The following DNAH17 variants were observed in gnomAD, a reference collection of about 807,000 sequenced individuals.
DNAH17 encodes dynein axonemal heavy chain 17, also known as axonemal beta dynein heavy chain 17.
DNAH17 carries 376 observed loss-of-function variants against 485.6 expected under a neutral mutation model. That is an observed-to-expected ratio of 0.77 (90% CI 0.71 to 0.84). DNAH17 has a LOEUF of 0.84. Ranked by LOEUF, DNAH17 falls within the 40% of genes least tolerant of loss-of-function variation. The pLI is 0.00. For synonymous variants in DNAH17, 3,031 were observed against 2,405.9 expected (o/e 1.26, Z -7.60); for missense variants, 6,370 against 5,839.3 (o/e 1.09, Z -2.96).
At chr17:78,437,127 C>T (rs2086874769) in intron 74 of DNAH17, among the ~76,000 whole-genome samples, 6 of 152,154 alleles carry the variant, frequency 3.9e-5, no homozygotes, top group Admixed American at 3.9e-4. Context: ...GCTGTTCCTG[C>T]TGATGGTGGG....
chr17:78,536,970 T>C (rs1261594485), intron 19 of DNAH17, among the ~76,000 whole-genome samples: 1 of 151,322 alleles, frequency 6.6e-6, no homozygotes, highest in Non-Finnish European at 1.5e-5. Flanking sequence ...GTTCAGGAGA[T>C]CCAGACCATC....
rs774427688 is a variant in DNAH17, at chr17:78,530,405, G to C, written c.3222C>G (p.Leu1074=). The change falls in exon 21 of 81, where the codon CTC becomes CTG. Residue 1074 remains leucine, a synonymous_variant. Transcript: ENST00000389840. ...CDCRPFKQAL[L]STIRRWGFMF... ...TGAAGCCCCAGCGCCGGATTGTGCTGAGCAGGGCCTGCTTGAAGGGGCGGC... is the reference window on the plus strand; with the variant it reads ...TGAAGCCCCAGCGCCGGATTGTGCTCAGCAGGGCCTGCTTGAAGGGGCGGC... The C allele has an allele frequency of 6.2e-7, 1 of 1,613,716 alleles. No homozygotes were observed. The highest frequency in any genetic ancestry group is 1.1e-5 in the South Asian group (1 of 91,082).
At chr17:78,523,574 T>C (rs147830611) in intron 25 of DNAH17, among the ~76,000 whole-genome samples, 30 of 152,238 alleles carry the variant, frequency 2.0e-4, no homozygotes, top group African/African-American at 7.2e-4. Context: ...ATAAAAGACA[T>C]GAATATGCAG....
At chr17:78,506,959 T>C (rs1285271481) in intron 29 of DNAH17, 113 bp from the exon 30 acceptor site, 1 of 1,428,194 alleles carries the variant, frequency 7.0e-7, no homozygotes, top group African/African-American at 1.4e-5. Flanking sequence ...TGGACTGCTG[T>C]TCACAGGCCT....
At chr17:78,506,216 C>A (rs549346639) in intron 30 of DNAH17, among the ~76,000 whole-genome samples, 143 of 146,656 alleles carry the variant, frequency 9.8e-4, no homozygotes, top group African/African-American at 3.4e-3. Context: ...TCTTGGCTCA[C>A]GGCAACCCTC....
chr17:78,466,900 G>A, intron 55 of DNAH17, 84 bp from the exon 56 acceptor site: 1 of 1,397,398 alleles, frequency 7.2e-7, no homozygotes, highest in East Asian at 2.8e-5. Context: ...AGCTCTGCCA[G>A]AAAGCAACGC....
chr17:78,452,186 T>TGCA (rs950221137), intron 65 of DNAH17, among the ~76,000 whole-genome samples: 31 of 149,548 alleles, frequency 2.1e-4, no homozygotes, highest in African/African-American at 7.8e-4. Flanking sequence ...CTAGGACCTC[T>TGCA]GCATATTGAT....
intron 5 of DNAH17, 98 bp from the exon 6 acceptor site, chr17:78,571,131 G>A: frequency 7.7e-7 from 1 of 1,303,482 alleles, no homozygotes; most frequent in Non-Finnish European, 1.1e-6. Context: ...GCTCCTTCAG[G>A]AAATGGGGCC....
chr17:78,454,273 G>A (rs2146505864), intron 64 of DNAH17, among the ~76,000 whole-genome samples, 197 bp downstream of exon 64: 1 of 152,320 alleles, frequency 6.6e-6, no homozygotes, highest in South Asian at 2.1e-4. Context: ...GGAGCAGCAG[G>A]TGATGGGGAC....
At position 78,574,167 on chromosome 17, in the gene DNAH17, C is replaced by T. The variant is rs2092400688; in HGVS notation, c.345+546G>A. On this transcript the variant is annotated intron_variant, in intron 2 of 80. Transcript: ENST00000389840. The stretch of plus-strand genomic sequence containing the variant: ...CTCGGGGCTTCTCAGACTTCAAGGG[C>T]ACGAGCACCACCTGGAGGTCTTGTT... Among the ~76,000 whole-genome samples the T allele has an allele frequency of 2.0e-5, 3 of 152,302 alleles. No individual in the cohort carries two copies. The South Asian group carries it at 6.2e-4, about 32-fold the overall frequency.
chr17:78,530,353 C>A lies in DNAH17; in HGVS notation c.3274G>T (p.Val1092Phe), dbSNP rs368053638. ...FMFKRHLSNHVTNSLADLEAF... is the reference protein window; with the variant it reads ...FMFKRHLSNHFTNSLADLEAF... ...TGGCTGGGGACCCACCTGTTGGTGA[C>A]GTGGTTGCTCAGGTGCCGCTTGAAC... is the stretch of plus-strand genomic sequence containing the variant. Residue 1092 changes from valine (V) to phenylalanine (F), a missense_variant, in exon 21 of 81, where the codon GTC (valine) becomes TTC (phenylalanine). Val to Phe is a conservative substitution (Grantham distance 50). Coordinates refer to ENST00000389840, the MANE Select transcript of DNAH17 (RefSeq NM_173628.4). 3 of 1,607,386 alleles carry A rather than the reference C, an allele frequency of 1.9e-6. No individual in the cohort carries two copies. The highest frequency in any genetic ancestry group is 2.6e-6 in the Non-Finnish European group (3 of 1,175,050).
chr17:78,503,763 C>T (rs2090387712), intron 31 of DNAH17, among the ~76,000 whole-genome samples: 1 of 151,860 alleles, frequency 6.6e-6, no homozygotes, highest in Admixed American at 6.6e-5. Flanking sequence ...GTCAGGAGTT[C>T]AAAACCAGCC....
chr17:78,493,980 C>T, intron 41 of DNAH17, 56 bp downstream of exon 41: 1 of 1,568,690 alleles, frequency 6.4e-7, no homozygotes, highest in Non-Finnish European at 8.6e-7. Context: ...ACCCTTCGCC[C>T]CAGCCCTCCC....
chr17:78,502,233 T>G, intron 33 of DNAH17: 1 of 351,882 alleles, frequency 2.8e-6, no homozygotes, highest in Admixed American at 4.6e-5. Flanking sequence ...TGCAGTGTCA[T>G]GCTTGGGTTG....
At chr17:78,500,667 C>T (rs879619196) in intron 35 of DNAH17, 9 of 419,112 alleles carry the variant, frequency 2.1e-5, no homozygotes, top group African/African-American at 4.2e-5. Context: ...CGCCACCATG[C>T]CCGGCTAATT....
chr17:78,513,428 T>C (rs539406581), intron 26 of DNAH17, among the ~76,000 whole-genome samples: 3 of 152,362 alleles, frequency 2.0e-5, no homozygotes, highest in East Asian at 3.9e-4. Flanking sequence ...TCCCCTTCTC[T>C]TTCCTGGTCT....
At position 78,423,897 on chromosome 17, in the gene DNAH17, A is replaced by G. The variant is rs748666814; in HGVS notation, c.*9T>C. The G allele has an allele frequency of 6.2e-7, 1 of 1,613,602 alleles. No homozygotes were observed. The highest frequency in any genetic ancestry group is 1.3e-5 in the African/African-American group (1 of 74,948). On this transcript the variant is annotated 3_prime_UTR_variant, in exon 81 of 81. Transcript: ENST00000389840. The stretch of plus-strand genomic sequence containing the variant: ...CCCCAGGGAGTGTGGGCTGTGAGGC[A>G]GGAGCGAGCTAAACCTGTAGGAGCA...
chr17:78,529,319 C>A (rs2091163741), intron 22 of DNAH17, among the ~76,000 whole-genome samples, 153 bp downstream of exon 22: 1 of 152,168 alleles, frequency 6.6e-6, no homozygotes, highest in African/African-American at 2.4e-5. Context: ...GAAACCTCCT[C>A]CCTGCACCTC....
chr17:78,551,280 T>TG (rs917152374), intron 16 of DNAH17, among the ~76,000 whole-genome samples: 2 of 152,232 alleles, frequency 1.3e-5, no homozygotes, highest in Admixed American at 6.5e-5. Flanking sequence ...CCCTTGCTAC[T>TG]GGCACTGGCC....
Sources: allele counts gnomAD v4.1 joint callset (sites outside exome capture counted in the v4.1 genomes callset), GRCh38; gene constraint gnomAD v4.1.1; transcripts MANE v1.5; gene names NCBI Gene and HGNC (gene_info 2026-07-23, HGNC 2026-07-21).